The following AP3D1 variants were observed in gnomAD, a reference collection of about 807,000 sequenced individuals.
AP3D1 encodes AP-3 complex subunit delta-1.
AP3D1 carries 51 observed loss-of-function variants against 147.6 expected under a neutral mutation model. That is an observed-to-expected ratio of 0.35 (90% CI 0.28 to 0.44). The LOEUF (loss-of-function observed/expected upper bound fraction) is 0.44. Ranked by LOEUF, AP3D1 falls within the 20% of genes least tolerant of loss-of-function variation. The pLI, the probability that AP3D1 is intolerant of heterozygous loss-of-function variation, is 1.00. For synonymous variants in AP3D1, 760 were observed against 663.0 expected (o/e 1.15, Z -2.25); for missense variants, 1,421 against 1,624.2 (o/e 0.87, Z 2.15).
At chr19:2,119,469 G>A (rs570394869) in intron 14 of AP3D1, among the ~76,000 whole-genome samples, 7 of 151,554 alleles carry the variant, frequency 4.6e-5, no homozygotes, top group African/African-American at 1.7e-4. Context: ...CGAGGCGGGC[G>A]GATCATGAGG....
At chr19:2,159,688 G>A (rs1467500551) in intron 1 of AP3D1, among the ~76,000 whole-genome samples, 2 of 140,268 alleles carry the variant, frequency 1.4e-5, no homozygotes, top group African/African-American at 2.6e-5. Flanking sequence ...GTGCCCGGCC[G>A]CCTAGCTAAT....
intron 25 of AP3D1, 107 bp from the exon 26 acceptor site, chr19:2,111,439 C>T: frequency 7.0e-7 from 1 of 1,438,802 alleles, no homozygotes; most frequent in Non-Finnish European, 9.6e-7. Flanking sequence ...TCCAAGAATG[C>T]TTGGGGCAAG....
chr19:2,111,575 G>A lies in AP3D1; in HGVS notation c.2937+104C>T, dbSNP rs140413168. 748 of 1,416,474 alleles carry A rather than the reference G, an allele frequency of 5.3e-4. 7 individuals are homozygous for A. The East Asian group carries it at 0.014, about 26-fold the overall frequency. The allele number at this position is 1,416,474 out of a possible 1,614,324, so 87.7% of individuals were successfully genotyped here. On this transcript the variant is annotated intron_variant, in intron 25 of 31. Coordinates refer to ENST00000643116, the MANE Select transcript of AP3D1 (RefSeq NM_001261826.3). ...CCCCCGCCAGGCTCGGCTTCTTCTC[G>A]AATCTGCTCAGTTCTCTCCCGCATG...
intron 1 of AP3D1, among the ~76,000 whole-genome samples, chr19:2,141,893 G>C (rs1370762353): frequency 6.6e-6 from 1 of 150,582 alleles, no homozygotes; most frequent in African/African-American, 2.4e-5. Context: ...GGGATTACAG[G>C]GCCATGCCAC....
At position 2,118,816 on chromosome 19, in the gene AP3D1, G is replaced by A. The variant is rs570811396; in HGVS notation, c.1498C>T (p.His500Tyr). The A allele has an allele frequency of 6.8e-6, 11 of 1,613,528 alleles. No homozygotes were observed. The Admixed American group carries it at 1.3e-4, about 20-fold the overall frequency. The part of the protein sequence containing the change: ...GEFSEHLQEP[H>Y]HTLEAMLRPR... ...CGCAGCATGGCCTCCAAAGTGTGGT[G>A]TGGTTCCTGCAGATGCCTGAGGACA... Residue 500 changes from histidine to tyrosine, a missense_variant, in exon 15 of 32, where the codon CAC becomes TAC. His to Tyr is a moderately conservative substitution (Grantham distance 83). Transcript: ENST00000643116.
At chr19:2,139,686 T>C (rs922248069) in intron 1 of AP3D1, among the ~76,000 whole-genome samples, 1 of 151,618 alleles carries the variant, frequency 6.6e-6, no homozygotes, top group Admixed American at 6.5e-5. Context: ...GCCCTCCTAA[T>C]GCACAGGAGC....
chr19:2,163,375 TGA>T (rs1484370067), intron 1 of AP3D1, among the ~76,000 whole-genome samples: 1 of 151,560 alleles, frequency 6.6e-6, no homozygotes, highest in Non-Finnish European at 1.5e-5. Flanking sequence ...CTCCTGGCCG[TGA>T]GAGGGGGTTT....
intron 4 of AP3D1, among the ~76,000 whole-genome samples, chr19:2,135,784 G>A (rs2238595): frequency 0.057 from 8,714 of 152,194 alleles, 417 homozygotes; most frequent in East Asian, 0.16. Flanking sequence ...CGGCCGTGCC[G>A]AGCCCATCAG....
In AP3D1 at chr19:2,123,382, A is replaced by G. The variant is rs1038535483; in HGVS notation, c.931T>C (p.Leu311=). Residue 311 remains leucine (L), a synonymous_variant, in exon 11 of 32, where the codon TTG becomes CTG. Transcript: ENST00000643116. ...CAGTTCTGATCGGAGTCCTCGATCA[A>G]TATCCTTAATTTCTGAACACAAAGC... ...IQLCVQKLRI[L]IEDSDQNLKY... is the part of the protein sequence containing the mutation. 1.2e-6 allele frequency: 2 copies of G among 1,613,996 alleles called. No individual in the cohort carries two copies. The highest frequency in any genetic ancestry group is 1.7e-5 in the Admixed American group (1 of 60,010).
chr19:2,121,685 C>T, intron 12 of AP3D1, 49 bp downstream of exon 12: 1 of 1,533,890 alleles, frequency 6.5e-7, no homozygotes, highest in Non-Finnish European at 8.7e-7. Context: ...CTTAATGTCC[C>T]TTAGAGAACT....
chr19:2,141,772 C>A (rs2019226176), intron 1 of AP3D1, among the ~76,000 whole-genome samples: 1 of 151,238 alleles, frequency 6.6e-6, no homozygotes, highest in South Asian at 2.1e-4. Flanking sequence ...TAGGGTCTTC[C>A]TCTATTGCAC....
At position 2,110,583 on chromosome 19, in the gene AP3D1, G is replaced by A. The variant is rs866886440; in HGVS notation, c.3175+124C>T. 458 of 1,088,306 alleles carry A rather than the reference G, an allele frequency of 4.2e-4. 8 individuals carry two copies. The South Asian group carries it at 4.8e-3, about 11-fold the overall frequency. 67.4% of individuals were successfully genotyped at this position (1,088,306 alleles called of 1,614,324 possible). Reference sequence around the variant, plus strand: ...ACCCCGACACTCAGGAGGTACTGAGGTGCAGCCTGGGGACAAAGGGGACAT... The same window carrying A: ...ACCCCGACACTCAGGAGGTACTGAGATGCAGCCTGGGGACAAAGGGGACAT... On this transcript the variant is annotated intron_variant, in intron 27 of 31. Transcript: ENST00000643116.
rs1286534031 is a variant in AP3D1, at chr19:2,109,117, C to T, written c.3441G>A (p.Leu1147=). 4 of 1,609,696 alleles carry T rather than the reference C, an allele frequency of 2.5e-6. No homozygotes were observed. Among genetic ancestry groups the T allele is most frequent in the Non-Finnish European group, 3.4e-6 (4 of 1,178,694 alleles). ...DGIRMSFQNL[L]AKICFHHHFS... The stretch of plus-strand genomic sequence containing the variant: ...AATGGTGGTGAAAACAGATCTTCGC[C>T]AGAAGATTCTGGAAGGACATCCGAA... The change falls in exon 30 of 32, where the codon CTG becomes CTA. Residue 1147 remains leucine, a synonymous_variant. Transcript: ENST00000643116.
chr19:2,158,023 CT>C (rs989824107), intron 1 of AP3D1, among the ~76,000 whole-genome samples: 2 of 151,482 alleles, frequency 1.3e-5, no homozygotes, highest in African/African-American at 4.9e-5. Flanking sequence ...CACATGTGCT[CT>C]TTTTTTTTCT....
At chr19:2,163,844 C>A (rs2019801496) in intron 1 of AP3D1, among the ~76,000 whole-genome samples, 2 of 149,880 alleles carry the variant, frequency 1.3e-5, no homozygotes, top group South Asian at 4.2e-4. Flanking sequence ...GCGCGCGGGT[C>A]GGCCCGCTGG....
intron 10 of AP3D1, 31 bp downstream of exon 10, chr19:2,123,799 C>A: frequency 6.4e-7 from 1 of 1,555,174 alleles, no homozygotes; most frequent in Non-Finnish European, 8.7e-7. Flanking sequence ...CAGTGTGGGA[C>A]CCCATGGGCC....
In AP3D1 at chr19:2,117,297, T is replaced by A. The variant is rs1288369582; in HGVS notation, c.1784A>T (p.Glu595Val). ...LQAKDVPVAE[E>V]VSALFAGELN... ...CTCCCCAGCAAAGAGAGCGCTGACC[T>A]CCTCTGCCACAGGCACGTCCTTGGC... Residue 595 changes from glutamate (E) to valine (V), a missense_variant, in exon 16 of 32, where the codon GAG becomes GTG. Physicochemically the swap from Glu to Val is moderately radical, Grantham distance 121. Coordinates refer to ENST00000643116, the MANE Select transcript of AP3D1 (RefSeq NM_001261826.3). The A allele has an allele frequency of 6.2e-7, 1 of 1,612,662 alleles. No individual in the cohort carries two copies. Among genetic ancestry groups the A allele is most frequent in the Non-Finnish European group, 8.5e-7 (1 of 1,179,716 alleles).
intron 1 of AP3D1, among the ~76,000 whole-genome samples, chr19:2,141,992 AT>A: frequency 6.7e-6 from 1 of 149,902 alleles, no homozygotes; most frequent in East Asian, 1.9e-4. Context: ...ATATATATAC[AT>A]TTATTTACAT....
intron 31 of AP3D1, among the ~76,000 whole-genome samples, chr19:2,108,384 G>A (rs553224416): frequency 6.6e-6 from 1 of 152,356 alleles, no homozygotes; most frequent in East Asian, 1.9e-4. Flanking sequence ...CCGACCCCAG[G>A]GCCTTGGCTG....
Sources: gnomAD v4.1 joint callset for allele counts (sites outside exome capture counted in the v4.1 genomes callset) on GRCh38, gnomAD v4.1.1 for gene constraint, MANE v1.5 for transcripts, NCBI Gene and HGNC (gene_info 2026-07-23, HGNC 2026-07-21) for gene names.